RMND5B: variants seen among roughly 807,000 people sequenced by gnomAD.
RMND5B encodes the protein required for meiotic nuclear division 5 homolog B.
A neutral mutation model predicts 50.4 loss-of-function variants in RMND5B; 42 were observed. The ratio of observed to expected loss-of-function variants is 0.83; its 90% CI spans 0.65 to 1.08. The LOEUF (loss-of-function observed/expected upper bound fraction) is 1.08, where lower values mean the gene tolerates loss of function less well. RMND5B is among the 50% of genes least tolerant of loss of function. RMND5B has a pLI of 0.00. For synonymous variants in RMND5B, 220 were observed against 210.0 expected (o/e 1.05, Z -0.41); for missense variants, 463 against 508.5 (o/e 0.91, Z 0.86).
chr5:178,144,222 T>G, intron 7 of RMND5B, 114 bp downstream of exon 7: 1 of 1,154,320 alleles, frequency 8.7e-7, no homozygotes, highest in Non-Finnish European at 1.2e-6. Context: ...GTTACACAGA[T>G]GCCTCTCCCC....
intron 2 of RMND5B, among the ~76,000 whole-genome samples, chr5:178,132,299 G>A (rs1758357801): frequency 6.6e-6 from 1 of 152,064 alleles, no homozygotes. Context: ...AATTTAGCCG[G>A]GTGTGGTGGC....
Position 178,148,009 on chromosome 5 carries a change from G to T in RMND5B, c.1159G>T (p.Asp387Tyr). The T allele has an allele frequency of 6.2e-7, 1 of 1,614,142 alleles. No homozygotes were observed. The highest frequency in any genetic ancestry group is 8.5e-7 in the Non-Finnish European group (1 of 1,180,022). The change falls in exon 11 of 11, where the codon GAT (aspartate) becomes TAT (tyrosine). Residue 387 changes from aspartate (D) to tyrosine (Y), a missense_variant. Transcript: ENST00000313386. ...PYCPMEQNPA[D>Y]GKRIIF Reference sequence around the variant, plus strand: ...CTGTCCCATGGAGCAGAACCCGGCAGATGGGAAACGCATCATATTCTGATT... The same window carrying T: ...CTGTCCCATGGAGCAGAACCCGGCATATGGGAAACGCATCATATTCTGATT...
At chr5:178,143,157 G>T (rs1217900771) in intron 5 of RMND5B, among the ~76,000 whole-genome samples, 165 bp downstream of exon 5, 3 of 152,244 alleles carry the variant, frequency 2.0e-5, no homozygotes, top group Admixed American at 1.3e-4. Flanking sequence ...ATGATGAAAA[G>T]AGAAGTTACT....
Position 178,147,936 on chromosome 5 carries a change from C to A in RMND5B, c.1119-33C>A, listed in dbSNP as rs963269498. 5.0e-6 allele frequency: 8 copies of A among 1,613,958 alleles called. No individual in the cohort carries two copies. In the African/African-American group the frequency reaches 1.1e-4, roughly 22 times the overall value. On this transcript the variant is annotated intron_variant, in intron 10 of 10. Coordinates refer to ENST00000313386, the MANE Select transcript of RMND5B (RefSeq NM_022762.5). ...TGGCTTGGCTCTCCTACTGGCCACC[C>A]CTGAGACGTTCTCGGTTCTCCTCCC... is the stretch of plus-strand genomic sequence containing the variant.
At position 178,150,318 on chromosome 5, in the gene RMND5B, A is replaced by T. The variant is rs1756236675; in HGVS notation, c.*2286A>T. ...CAGGCCAAACGGTAAGTTCCTTCAGAACAGGGCCTCCTGCTTTATCCCAAG... is the reference window on the plus strand; with the variant it reads ...CAGGCCAAACGGTAAGTTCCTTCAGTACAGGGCCTCCTGCTTTATCCCAAG... On this transcript the variant is annotated 3_prime_UTR_variant, in exon 11 of 11. Transcript: ENST00000313386. 4.3e-6 allele frequency: 1 copy of T among 232,678 alleles called. No homozygotes were observed. Among genetic ancestry groups the T allele is most frequent in the African/African-American group, 2.3e-5 (1 of 43,648 alleles). 14.4% of individuals were successfully genotyped at this position (232,678 alleles called of 1,614,324 possible). A position where few individuals can be genotyped will look rare whatever the true frequency, so the allele number is the denominator to read the frequency against.
intron 8 of RMND5B, 24 bp from the exon 9 acceptor site, chr5:178,147,509 C>G (rs1214858785): frequency 6.2e-7 from 1 of 1,605,458 alleles, no homozygotes; most frequent in South Asian, 1.1e-5. Flanking sequence ...CTGAGCCACT[C>G]TAGCCCCTGT....
chr5:178,143,904 C>T, intron 6 of RMND5B, 38 bp from the exon 7 acceptor site: 2 of 1,606,888 alleles, frequency 1.2e-6, no homozygotes, highest in Non-Finnish European at 1.7e-6. Flanking sequence ...GTCCTAGCCC[C>T]CACCAGCTCT....
intron 2 of RMND5B, among the ~76,000 whole-genome samples, chr5:178,133,957 C>T (rs1318615678): frequency 6.6e-6 from 1 of 152,200 alleles, no homozygotes; most frequent in Non-Finnish European, 1.5e-5. Flanking sequence ...TCATGATCCA[C>T]TCGCCTCGGC....
intron 7 of RMND5B, among the ~76,000 whole-genome samples, chr5:178,145,170 C>T (rs1282881314): frequency 1.3e-5 from 2 of 152,034 alleles, no homozygotes; most frequent in South Asian, 2.1e-4. Flanking sequence ...CTGCCTCAGC[C>T]TCCCGAGTAG....
intron 8 of RMND5B, 24 bp from the exon 9 acceptor site, chr5:178,147,509 C>T (rs1214858785): frequency 2.5e-6 from 4 of 1,605,340 alleles, no homozygotes; most frequent in Non-Finnish European, 3.4e-6. Flanking sequence ...CTGAGCCACT[C>T]TAGCCCCTGT....
At position 178,150,504 on chromosome 5, in the gene RMND5B, C is replaced by T; in HGVS notation, c.*2472C>T. On this transcript the variant is annotated 3_prime_UTR_variant, in exon 11 of 11. Coordinates refer to ENST00000313386, the MANE Select transcript of RMND5B (RefSeq NM_022762.5). Reference sequence around the variant, plus strand: ...CAAGTGATCTCCTGCTTTAGCCTCCCAAGTGGCTGGGACTACAGGCATGTG... The same window carrying T: ...CAAGTGATCTCCTGCTTTAGCCTCCTAAGTGGCTGGGACTACAGGCATGTG... 2.7e-6 allele frequency: 1 copy of T among 364,144 alleles called. No homozygotes were observed. The highest frequency in any genetic ancestry group is 5.4e-6 in the Non-Finnish European group (1 of 186,342). 22.6% of individuals were successfully genotyped at this position (364,144 alleles called of 1,614,324 possible). A position where few individuals can be genotyped will look rare whatever the true frequency, so the allele number is the denominator to read the frequency against.
chr5:178,132,816 G>A (rs1158849638), intron 2 of RMND5B, among the ~76,000 whole-genome samples: 1 of 128,120 alleles, frequency 7.8e-6, no homozygotes, highest in East Asian at 2.4e-4. Flanking sequence ...AAAAAAAAGC[G>A]TTAAGAATTG....
rs187904407 is a variant in RMND5B at position 178,138,735 on chromosome 5, T to C, written c.139+477T>C. ...CAATTCCAAGAATAGTATAAAGAACTGATATATACCCTTTACTTGGATTCA... is the reference window on the plus strand; with the variant it reads ...CAATTCCAAGAATAGTATAAAGAACCGATATATACCCTTTACTTGGATTCA... On this transcript the variant is annotated intron_variant, in intron 3 of 10. Transcript: ENST00000313386. This position sits in a 1 kb window ranked among gnomAD's most constrained non-coding sequence, Gnocchi z 5.1. Among the ~76,000 whole-genome samples, 15 of 152,322 alleles carry C rather than the reference T, an allele frequency of 9.8e-5. No individual in the cohort carries two copies. Among genetic ancestry groups the C allele is most frequent in the Admixed American group, 1.3e-4 (2 of 15,292 alleles).
At position 178,131,393 on chromosome 5, in the gene RMND5B, G is replaced by T. The variant is rs935664455; in HGVS notation, c.-13+17G>T. 5 of 152,240 alleles carry T rather than the reference G, an allele frequency of 3.3e-5. No individual in the cohort carries two copies. Among genetic ancestry groups the T allele is most frequent in the Admixed American group, 3.3e-4 (5 of 15,284 alleles). The allele number at this position is 152,240 out of a possible 1,614,324, so 9.4% of individuals were successfully genotyped here. A position where few individuals can be genotyped will look rare whatever the true frequency, so the allele number is the denominator to read the frequency against. On this transcript the variant is annotated intron_variant, in intron 2 of 10. Coordinates refer to ENST00000313386, the MANE Select transcript of RMND5B (RefSeq NM_022762.5). ...AGTGAGCAGGTGCGCACCGGGCTCG[G>T]CAGGGCTATGGAGCAGGGTCTTTGG...
At chr5:178,131,758 A>C (rs188590952) in intron 2 of RMND5B, among the ~76,000 whole-genome samples, 22 of 152,206 alleles carry the variant, frequency 1.4e-4, no homozygotes, top group Non-Finnish European at 2.6e-4. Context: ...AGGCAGCGGG[A>C]ACAGCCAGTG....
chr5:178,138,174 C>T lies in RMND5B; in HGVS notation c.55C>T (p.Leu19=), dbSNP rs565958093. 2.5e-6 allele frequency: 4 copies of T among 1,613,526 alleles called. No individual in the cohort carries two copies. The highest frequency in any genetic ancestry group is 1.3e-5 in the African/African-American group (1 of 74,914). ...GCTGGACAAGGTCCTGCAGAAGTTC[C>T]TGACCTACGGGCAGCACTGTGAGCG... ...RELDKVLQKF[L]TYGQHCERSL... Residue 19 remains leucine (L), a synonymous_variant, in exon 3 of 11, where the codon CTG becomes TTG. Transcript: ENST00000313386. The surrounding 1 kb of genome is among the most constrained non-coding windows in gnomAD (Gnocchi z 5.1).
chr5:178,149,610 C>T lies in RMND5B; in HGVS notation c.*1578C>T. 1 of 1,511,608 alleles carries T rather than the reference C, an allele frequency of 6.6e-7. No individual in the cohort carries two copies. Among genetic ancestry groups the T allele is most frequent in the Non-Finnish European group, 9.1e-7 (1 of 1,100,054 alleles). The allele number at this position is 1,511,608 out of a possible 1,614,324, so 93.6% of individuals were successfully genotyped here. A position where few individuals can be genotyped will look rare whatever the true frequency, so the allele number is the denominator to read the frequency against. ...TGGGAAGAAGGCGTGCCTTGGGGAA[C>T]TGGGAAGATGCCGTCAGTGTGGGTG... On this transcript the variant is annotated 3_prime_UTR_variant, in exon 11 of 11. Coordinates refer to ENST00000313386, the MANE Select transcript of RMND5B (RefSeq NM_022762.5).
chr5:178,150,067 G>C lies in RMND5B; in HGVS notation c.*2035G>C, dbSNP rs1756227263. Reference sequence around the variant, plus strand: ...CATTCCCACATGGCAACTATGAAAGGGCTCCAGCCCAGCAGGGGCTGTCCC... The same window carrying C: ...CATTCCCACATGGCAACTATGAAAGCGCTCCAGCCCAGCAGGGGCTGTCCC... On this transcript the variant is annotated 3_prime_UTR_variant, in exon 11 of 11. Coordinates refer to ENST00000313386, the MANE Select transcript of RMND5B (RefSeq NM_022762.5). 2 of 448,088 alleles carry C rather than the reference G, an allele frequency of 4.5e-6. No individual in the cohort carries two copies. The highest frequency in any genetic ancestry group is 8.1e-6 in the Non-Finnish European group (2 of 246,428). 27.8% of individuals were successfully genotyped at this position (448,088 alleles called of 1,614,324 possible).
intron 3 of RMND5B, among the ~76,000 whole-genome samples, chr5:178,139,222 T>G (rs1758784825): frequency 6.6e-6 from 1 of 151,734 alleles, no homozygotes; most frequent in African/African-American, 2.4e-5. Context: ...TTTTTTTTTT[T>G]TTGAGATGGA....
Sources: allele counts gnomAD v4.1 joint callset (sites outside exome capture counted in the v4.1 genomes callset), GRCh38; gene constraint gnomAD v4.1.1; non-coding constraint Gnocchi (gnomAD v3.1); transcripts MANE v1.5; gene names NCBI Gene and HGNC (gene_info 2026-07-23, HGNC 2026-07-21).